MRC2: variants seen among roughly 807,000 people sequenced by gnomAD.
MRC2 encodes the protein mannose receptor C-type 2.
A neutral mutation model predicts 206.2 loss-of-function variants in MRC2; 84 were observed. The observed-to-expected ratio is 0.41, with a 90% CI of 0.34 to 0.49. The LOEUF (loss-of-function observed/expected upper bound fraction) is 0.49, where lower values mean the gene tolerates loss of function less well. Ranked by LOEUF, MRC2 falls within the 20% of genes least tolerant of loss-of-function variation. The pLI is 0.31. For synonymous variants in MRC2, 798 were observed against 800.0 expected, an observed-to-expected ratio of 1.00 and a Z score of 0.04; for missense variants, 1,676 against 2,001.5, an observed-to-expected ratio of 0.84 and a Z score of 3.10.
rs979211114 is a variant in MRC2, at chr17:62,690,304, A to G, written c.3891A>G (p.Arg1297=). ...AGGAGGCGCGACAGCGCTGCCAGAGAGGTGGGTGACCAGGCCAGAGCCCAC... is the reference window on the plus strand; with the variant it reads ...AGGAGGCGCGACAGCGCTGCCAGAGGGGTGGGTGACCAGGCCAGAGCCCAC... ...GHKEARQRCQ[R]AGGAVLSILD... Residue 1297 remains arginine, a splice_region_variant and synonymous_variant, in exon 26 of 30, where the codon AGA becomes AGG. Coordinates refer to ENST00000303375, the MANE Select transcript of MRC2 (RefSeq NM_006039.5). 4 of 1,609,242 alleles carry G rather than the reference A, an allele frequency of 2.5e-6. No individual in the cohort carries two copies. The highest frequency in any genetic ancestry group is 1.3e-5 in the African/African-American group (1 of 74,850).
intron 20 of MRC2, among the ~76,000 whole-genome samples, chr17:62,683,510 CTT>C (rs754026119): frequency 4.3e-4 from 53 of 123,912 alleles, no homozygotes; most frequent in African/African-American, 1.3e-3. Context: ...AAAAAAACAC[CTT>C]TTTTTTTTTT....
chr17:62,628,551 T>C (rs1232726037), intron 1 of MRC2, among the ~76,000 whole-genome samples: 2 of 152,176 alleles, frequency 1.3e-5, no homozygotes, highest in African/African-American at 4.8e-5. Flanking sequence ...AGCAACAGGC[T>C]GGGCGCCGCC....
intron 18 of MRC2, chr17:62,681,440 C>G (rs1359082110): frequency 7.9e-6 from 4 of 504,696 alleles, no homozygotes; most frequent in African/African-American, 7.8e-5. Flanking sequence ...AAGGCCCTCT[C>G]GGGGAAGTGG....
At chr17:62,669,515 CTTTTTA>C (rs749454149) in intron 6 of MRC2, among the ~76,000 whole-genome samples, 89 of 150,090 alleles carry the variant, frequency 5.9e-4, no homozygotes, top group Admixed American at 2.3e-3. Context: ...CGCACCCCGC[CTTTTTA>C]TTTTTATTTT....
chr17:62,667,723 G>C lies in MRC2; in HGVS notation c.1117+190G>C, dbSNP rs949026981. Among the ~76,000 whole-genome samples the C allele has an allele frequency of 3.9e-5, 6 of 152,198 alleles. No homozygotes were observed. Among genetic ancestry groups the C allele is most frequent in the Admixed American group, 3.9e-4 (6 of 15,282 alleles). On this transcript the variant is annotated intron_variant, in intron 6 of 29. Transcript: ENST00000303375. The surrounding 1 kb of genome is among the most constrained non-coding windows in gnomAD (Gnocchi z 4.1). ...TGGAATATGTCATTAATTCATTTGG[G>C]GAACATGTGCTGAGATCTGTGTTAA...
intron 1 of MRC2, among the ~76,000 whole-genome samples, chr17:62,663,067 G>A (rs1207834836): frequency 6.6e-6 from 1 of 152,156 alleles, no homozygotes; most frequent in African/African-American, 2.4e-5. Context: ...GTACATAAGT[G>A]GCAGTCAGGG....
Position 62,680,570 on chromosome 17 carries a change from G to C in MRC2, c.2473+117G>C. ...GGATGAGGAGTTCCGGTCGAGAGAA[G>C]GGGGACGGGGTTGGCTCGGACGGAG... On this transcript the variant is annotated intron_variant, in intron 16 of 29. Transcript: ENST00000303375. This position sits in a 1 kb window ranked among gnomAD's most constrained non-coding sequence, Gnocchi z 4.8. 1 of 1,459,776 alleles carries C rather than the reference G, an allele frequency of 6.9e-7. No individual in the cohort carries two copies. Among genetic ancestry groups the C allele is most frequent in the Admixed American group, 1.8e-5 (1 of 56,120 alleles). The allele number at this position is 1,459,776 out of a possible 1,614,324, so 90.4% of individuals were successfully genotyped here.
intron 1 of MRC2, among the ~76,000 whole-genome samples, chr17:62,643,535 A>G (rs948090117): frequency 1.1e-4 from 16 of 152,190 alleles, no homozygotes; most frequent in African/African-American, 3.9e-4. Context: ...ACTAGCTCAT[A>G]TAAAACTATG....
chr17:62,687,883 GAA>G (rs146397202), intron 20 of MRC2, among the ~76,000 whole-genome samples: 1 of 142,968 alleles, frequency 7.0e-6, no homozygotes, highest in Non-Finnish European at 1.5e-5. Flanking sequence ...ACTCTGTCTT[GAA>G]AAAAAAAAAA....
chr17:62,630,408 A>C (rs906775166), intron 1 of MRC2, among the ~76,000 whole-genome samples: 4 of 152,164 alleles, frequency 2.6e-5, no homozygotes, highest in Non-Finnish European at 5.9e-5. Context: ...TGGAGTGTGG[A>C]TGCTTCCCGT....
chr17:62,691,082 C>T lies in MRC2; in HGVS notation c.4146C>T (p.Gly1382=), dbSNP rs764119340. The T allele has an allele frequency of 4.2e-5, 68 of 1,609,528 alleles. No homozygotes were observed. The highest frequency in any genetic ancestry group is 3.3e-4 in the Middle Eastern group (2 of 6,068). The change falls in exon 28 of 30, where the codon GGC becomes GGT. Residue 1382 remains glycine (G), a synonymous_variant. Transcript: ENST00000303375. Reference sequence around the variant, plus strand: ...GCAACAGCGGGCTATGGCGCCCCGGCGCTTGCACCAACATCACCATGGGTG... The same window carrying T: ...GCAACAGCGGGCTATGGCGCCCCGGTGCTTGCACCAACATCACCATGGGTG... ...IQSNSGLWRP[G]ACTNITMGVV... is the part of the protein sequence containing the mutation.
At chr17:62,641,491 C>T (rs544301925) in intron 1 of MRC2, among the ~76,000 whole-genome samples, 147 of 152,190 alleles carry the variant, frequency 9.7e-4, no homozygotes, top group Middle Eastern at 6.8e-3. Flanking sequence ...TCATCTTGGT[C>T]CCCAAGGAAA....
At chr17:62,682,069 AG>A in intron 19 of MRC2, 132 bp downstream of exon 19, 1 of 1,093,680 alleles carries the variant, frequency 9.1e-7, no homozygotes. Flanking sequence ...AGACTCAGCG[AG>A]GGGTGGACCT....
At position 62,675,244 on chromosome 17, in the gene MRC2, C is replaced by A. The variant is rs2088876529; in HGVS notation, c.1570-546C>A. On this transcript the variant is annotated intron_variant, in intron 9 of 29. Transcript: ENST00000303375. The surrounding 1 kb of genome is among the most constrained non-coding windows in gnomAD (Gnocchi z 4.1). ...CACAGCCCCTGCCAGCAGATGAGGCCCCCACCACACATACCACATCTGCTT... is the reference window on the plus strand; with the variant it reads ...CACAGCCCCTGCCAGCAGATGAGGCACCCACCACACATACCACATCTGCTT... Among the ~76,000 whole-genome samples the A allele has an allele frequency of 6.6e-6, 1 of 152,102 alleles. No individual in the cohort carries two copies. Among genetic ancestry groups the A allele is most frequent in the Non-Finnish European group, 1.5e-5 (1 of 68,002 alleles).
intron 1 of MRC2, among the ~76,000 whole-genome samples, chr17:62,639,056 C>T (rs2088365020): frequency 1.3e-5 from 2 of 152,186 alleles, no homozygotes; most frequent in Non-Finnish European, 2.9e-5. Context: ...AGGATTGGGC[C>T]GGGCACAGTG....
rs1164231785 is a variant in MRC2 at position 62,645,527 on chromosome 17, A to ATT, written c.118+17630_118+17631dup. On this transcript the variant is annotated intron_variant, in intron 1 of 29. Transcript: ENST00000303375. ...TATATATATATATATATATATATAT[A>ATT]TTTTTTTTTTTTTTTTTTTTTTTTG... Among the ~76,000 whole-genome samples the ATT allele has an allele frequency of 5.0e-3, 199 of 39,534 alleles. 3 individuals carry two copies. The highest frequency in any genetic ancestry group is 7.4e-3 in the Non-Finnish European group (158 of 21,334). The allele number at this position is 39,534 out of a possible 152,430, so 25.9% of individuals were successfully genotyped here.
chr17:62,628,281 G>C (rs1017703976), intron 1 of MRC2, among the ~76,000 whole-genome samples: 1 of 152,072 alleles, frequency 6.6e-6, no homozygotes, highest in Non-Finnish European at 1.5e-5. Context: ...GGGACCTGCA[G>C]GGCGCGCCCG....
In MRC2 at chr17:62,680,196, C is replaced by G. The variant is rs1385530127; in HGVS notation, c.2325C>G (p.Ser775Arg). Residue 775 changes from serine (S) to arginine (R), a missense_variant, in exon 15 of 30, where the codon AGC (serine) becomes AGG (arginine). Ser to Arg is a moderately radical substitution (Grantham distance 110). Around this residue, in one of 3 missense-constraint regions of MRC2, gnomAD observed 1,354 missense variants for 1,636.6 expected, o/e 0.83. Coordinates refer to ENST00000303375, the MANE Select transcript of MRC2 (RefSeq NM_006039.5). This position sits in a 1 kb window ranked among gnomAD's most constrained non-coding sequence, Gnocchi z 4.8. ...VGFSYHNFDR[S>R]RHDDDDIRGC... The stretch of plus-strand genomic sequence containing the variant: ...TCTCTTACCACAATTTCGACCGGAG[C>G]CGGCACGACGACGACGACATCCGAG... 1 of 1,614,156 alleles carries G rather than the reference C, an allele frequency of 6.2e-7. No homozygotes were observed. Among genetic ancestry groups the G allele is most frequent in the Non-Finnish European group, 8.5e-7 (1 of 1,180,010 alleles).
intron 1 of MRC2, among the ~76,000 whole-genome samples, chr17:62,642,310 T>C (rs891281848): frequency 6.6e-6 from 1 of 152,218 alleles, no homozygotes; most frequent in Non-Finnish European, 1.5e-5. Flanking sequence ...CCTGGATTCA[T>C]ATTAAACGTT....
Sources: allele counts gnomAD v4.1 joint callset (sites outside exome capture counted in the v4.1 genomes callset), GRCh38; gene constraint gnomAD v4.1.1; regional missense constraint gnomAD v4.1.1; non-coding constraint Gnocchi (gnomAD v3.1); transcripts MANE v1.5; gene names NCBI Gene and HGNC (gene_info 2026-07-23, HGNC 2026-07-21).